LRMDA: variants seen among roughly 807,000 people sequenced by gnomAD.
The protein encoded by LRMDA is leucine rich melanocyte differentiation associated.
LRMDA carries 18 observed loss-of-function variants against 29.8 expected under a neutral mutation model. The observed-to-expected ratio is 0.60, with a 90% CI of 0.42 to 0.90. LRMDA has a LOEUF of 0.90. Among genes scored for constraint, LRMDA ranks in the 40% least tolerant of loss-of-function variants. The pLI is 0.00. For missense variants in LRMDA, 273 were observed against 273.9 expected (o/e 1.00, Z 0.02); for synonymous variants, 125 against 109.4 (o/e 1.14, Z -0.89).
chr10:76,545,983 C>T (rs1174668173), intron 6 of LRMDA, among the ~76,000 whole-genome samples: 1 of 152,136 alleles, frequency 6.6e-6, no homozygotes, highest in East Asian at 1.9e-4. Flanking sequence ...ATCAGAAACT[C>T]TGGGGAACGG....
intron 6 of LRMDA, among the ~76,000 whole-genome samples, chr10:76,524,256 T>G (rs1843151322): frequency 6.6e-6 from 1 of 152,116 alleles, no homozygotes; most frequent in Non-Finnish European, 1.5e-5. Flanking sequence ...CCTTTGAGGT[T>G]GGTGAAAGAC....
intron 2 of LRMDA, among the ~76,000 whole-genome samples, chr10:75,858,536 A>G (rs1472726183): frequency 6.6e-6 from 1 of 152,192 alleles, no homozygotes; most frequent in African/African-American, 2.4e-5. Context: ...CCCTTGACCA[A>G]GTCACATGCC....
chr10:76,473,435 T>C (rs1466247354), intron 6 of LRMDA, among the ~76,000 whole-genome samples: 3 of 151,256 alleles, frequency 2.0e-5, no homozygotes, highest in Admixed American at 6.6e-5. Context: ...TTGAATGTTT[T>C]CCCCCCTATG....
At chr10:76,507,683 A>G (rs1589218736) in intron 6 of LRMDA, among the ~76,000 whole-genome samples, 1 of 151,978 alleles carries the variant, frequency 6.6e-6, no homozygotes. Context: ...GGGCTAAGAG[A>G]TAGGGGTCTA....
At chr10:76,392,275 A>C (rs572302169) in intron 6 of LRMDA, among the ~76,000 whole-genome samples, 1 of 152,298 alleles carries the variant, frequency 6.6e-6, no homozygotes, top group South Asian at 2.1e-4. Context: ...TCAACGTAAC[A>C]AACTTGTTCT....
intron 6 of LRMDA, among the ~76,000 whole-genome samples, chr10:76,428,545 A>G (rs1842154689): frequency 6.6e-6 from 1 of 152,354 alleles, no homozygotes; most frequent in South Asian, 2.1e-4. Context: ...TGCCAAGACC[A>G]GAAAACACAG....
chr10:75,940,360 A>G (rs557703632), intron 2 of LRMDA, among the ~76,000 whole-genome samples: 14 of 152,214 alleles, frequency 9.2e-5, no homozygotes, highest in Admixed American at 7.9e-4. Context: ...CCCCTCATGC[A>G]TCTGTGCCCA....
At chr10:76,351,270 C>G (rs1841173567) in intron 6 of LRMDA, among the ~76,000 whole-genome samples, 1 of 152,144 alleles carries the variant, frequency 6.6e-6, no homozygotes, top group African/African-American at 2.4e-5. Context: ...CCTTGCTTTT[C>G]TATCAGGAAT....
intron 6 of LRMDA, among the ~76,000 whole-genome samples, chr10:76,515,395 T>C (rs1392731195): frequency 2.0e-5 from 3 of 152,202 alleles, no homozygotes; most frequent in Admixed American, 6.5e-5. Flanking sequence ...TTGGGGCAAA[T>C]TGAACCTCGA....
At chr10:76,522,477 G>A (rs1843131024) in intron 6 of LRMDA, among the ~76,000 whole-genome samples, 1 of 152,190 alleles carries the variant, frequency 6.6e-6, no homozygotes, top group Non-Finnish European at 1.5e-5. Context: ...ATGAATCTGT[G>A]TGCATAGGTT....
chr10:75,827,569 C>T (rs887839807), intron 2 of LRMDA, among the ~76,000 whole-genome samples: 2 of 152,184 alleles, frequency 1.3e-5, no homozygotes, highest in Non-Finnish European at 2.9e-5. Context: ...GAAACCTCTT[C>T]CTAAAATGTC....
rs540710243 is a variant in LRMDA at position 75,749,216 on chromosome 10, A to G, written c.132-286792A>G. Among the ~76,000 whole-genome samples, 104 of 152,278 alleles carry G rather than the reference A, an allele frequency of 6.8e-4. No homozygotes were observed. In the South Asian group the frequency reaches 0.021, roughly 31 times the overall value. On this transcript the variant is annotated intron_variant, in intron 2 of 6. Transcript: ENST00000611255. ...TCCTTAGTAACATTTTCTTTTCTCTATCTTACTTTATTGTAAGGCTGCAGT... is the reference window on the plus strand; with the variant it reads ...TCCTTAGTAACATTTTCTTTTCTCTGTCTTACTTTATTGTAAGGCTGCAGT...
At chr10:76,082,079 T>G (rs1261969102) in intron 5 of LRMDA, among the ~76,000 whole-genome samples, 1 of 152,158 alleles carries the variant, frequency 6.6e-6, no homozygotes, top group Admixed American at 6.5e-5. Context: ...TTCACCTACC[T>G]GAGGATTTTT....
intron 2 of LRMDA, among the ~76,000 whole-genome samples, chr10:75,824,243 C>CT (rs1844212786): frequency 6.6e-6 from 1 of 151,940 alleles, no homozygotes; most frequent in African/African-American, 2.4e-5. Context: ...TTCTTTTTGC[C>CT]TTTTTAATGT....
chr10:76,297,217 C>T (rs528881956), intron 5 of LRMDA, among the ~76,000 whole-genome samples: 97 of 152,360 alleles, frequency 6.4e-4, no homozygotes, highest in African/African-American at 2.2e-3. Context: ...AGTTCCCACT[C>T]ACATTGTAAA....
intron 2 of LRMDA, among the ~76,000 whole-genome samples, chr10:75,787,290 C>A (rs1843486958): frequency 2.0e-5 from 3 of 152,234 alleles, no homozygotes; most frequent in African/African-American, 7.2e-5. Flanking sequence ...TCCACATTGT[C>A]AGGATTCCTG....
chr10:76,058,550 A>G, intron 4 of LRMDA, 116 bp from the exon 5 acceptor site: 2 of 822,170 alleles, frequency 2.4e-6, no homozygotes, highest in South Asian at 2.9e-5. Flanking sequence ...AGGCGCAGCC[A>G]AGGTCTAAGT....
At chr10:76,183,819 A>G (rs901271489) in intron 5 of LRMDA, among the ~76,000 whole-genome samples, 4 of 151,930 alleles carry the variant, frequency 2.6e-5, no homozygotes, top group African/African-American at 9.7e-5. Flanking sequence ...TCTGGGTGCA[A>G]TTGTTCCTCC....
intron 6 of LRMDA, among the ~76,000 whole-genome samples, chr10:76,369,392 A>G (rs1841427635): frequency 6.6e-6 from 1 of 152,096 alleles, no homozygotes; most frequent in African/African-American, 2.4e-5. Flanking sequence ...CTAGATACAA[A>G]ATTCTTGCCT....
Sources: gnomAD v4.1 joint callset for allele counts (sites outside exome capture counted in the v4.1 genomes callset) on GRCh38, gnomAD v4.1.1 for gene constraint, MANE v1.5 for transcripts, NCBI Gene and HGNC (gene_info 2026-07-23, HGNC 2026-07-21) for gene names.